Variants in CFAP299 observed in about 807,000 individuals in gnomAD.
CFAP299 encodes the protein cilia- and flagella-associated protein 299.
In CFAP299, 21 loss-of-function variants were observed where a neutral mutation model predicts 27.0. That is an observed-to-expected ratio of 0.78 (90% CI 0.55 to 1.12). The LOEUF (loss-of-function observed/expected upper bound fraction) is 1.12, where lower values mean the gene tolerates loss of function less well. CFAP299 is among the 50% of genes most tolerant of loss of function. The pLI, the probability that CFAP299 is intolerant of heterozygous loss-of-function variation, is 0.00. For missense variants in CFAP299, 310 were observed against 276.6 expected (o/e 1.12, Z -0.86); for synonymous variants, 104 against 98.1 (o/e 1.06, Z -0.36).
intron 2 of CFAP299, among the ~76,000 whole-genome samples, chr4:80,479,415 T>C (rs1490968755): frequency 6.6e-6 from 1 of 152,022 alleles, no homozygotes; most frequent in Non-Finnish European, 1.5e-5. Context: ...AGGATTCCAA[T>C]AGTCAAATAG....
intron 2 of CFAP299, among the ~76,000 whole-genome samples, chr4:80,519,398 A>T (rs35296375): frequency 6.6e-6 from 1 of 151,778 alleles, no homozygotes; most frequent in African/African-American, 2.4e-5. Flanking sequence ...GTATAGACGG[A>T]GTTTCACCAT....
At chr4:80,538,621 T>C (rs986491927) in intron 2 of CFAP299, among the ~76,000 whole-genome samples, 3 of 150,840 alleles carry the variant, frequency 2.0e-5, no homozygotes, top group African/African-American at 7.4e-5. Context: ...TTTAAATACA[T>C]AGATACTTAC....
intron 2 of CFAP299, among the ~76,000 whole-genome samples, chr4:80,467,604 A>G (rs1426187380): frequency 1.3e-5 from 2 of 152,174 alleles, no homozygotes; most frequent in Admixed American, 6.5e-5. Flanking sequence ...CAATATGAAG[A>G]AGAATATTTT....
At chr4:80,340,815 G>T (rs1355582641) in intron 1 of CFAP299, among the ~76,000 whole-genome samples, 1 of 150,394 alleles carries the variant, frequency 6.6e-6, no homozygotes, top group Non-Finnish European at 1.5e-5. Flanking sequence ...CACTCTTTTT[G>T]CCCAGGCTGG....
chr4:80,560,168 G>T (rs1009829125), intron 2 of CFAP299, among the ~76,000 whole-genome samples: 1 of 152,000 alleles, frequency 6.6e-6, no homozygotes, highest in Non-Finnish European at 1.5e-5. Flanking sequence ...GGCCAGAGTT[G>T]TGAGACCCCT....
chr4:80,480,417 T>C (rs1730505135), intron 2 of CFAP299, among the ~76,000 whole-genome samples: 1 of 151,982 alleles, frequency 6.6e-6, no homozygotes, highest in African/African-American at 2.4e-5. Context: ...AAATATTTGT[T>C]TGATTACAGT....
At chr4:80,482,923 G>T (rs757135301) in intron 2 of CFAP299, among the ~76,000 whole-genome samples, 1 of 152,124 alleles carries the variant, frequency 6.6e-6, no homozygotes, top group Admixed American at 6.6e-5. Flanking sequence ...ACTGAGATGT[G>T]GTAGACAGAA....
intron 3 of CFAP299, among the ~76,000 whole-genome samples, chr4:80,686,269 C>G (rs990307230): frequency 2.0e-5 from 3 of 152,142 alleles, no homozygotes; most frequent in Admixed American, 2.0e-4. Context: ...CATTCCCACA[C>G]CAAAGAGATG....
At chr4:80,842,627 G>T (rs889415217) in intron 3 of CFAP299, among the ~76,000 whole-genome samples, 1 of 152,116 alleles carries the variant, frequency 6.6e-6, no homozygotes, top group Non-Finnish European at 1.5e-5. Context: ...AACAATAGCC[G>T]AGGCTTGTGA....
chr4:80,682,849 G>A (rs2110006837), intron 3 of CFAP299, among the ~76,000 whole-genome samples: 1 of 152,068 alleles, frequency 6.6e-6, no homozygotes. Flanking sequence ...TAGCTCTTGA[G>A]ACCTGCCATT....
chr4:80,642,765 A>G (rs1272386478), intron 3 of CFAP299, among the ~76,000 whole-genome samples: 1 of 152,196 alleles, frequency 6.6e-6, no homozygotes, highest in East Asian at 1.9e-4. Context: ...TCCGTCTCAA[A>G]AAGAATAAAA....
chr4:80,599,779 T>G (rs919610095), intron 3 of CFAP299, among the ~76,000 whole-genome samples: 2 of 152,116 alleles, frequency 1.3e-5, no homozygotes, highest in African/African-American at 4.8e-5. Flanking sequence ...CTGAAACTTG[T>G]GCTTAAGTTG....
chr4:80,829,497 G>T (rs1280693161), intron 3 of CFAP299, among the ~76,000 whole-genome samples: 1 of 151,950 alleles, frequency 6.6e-6, no homozygotes, highest in Non-Finnish European at 1.5e-5. Context: ...TAGTATAGAG[G>T]TTGTAGAAAC....
At chr4:80,814,109 T>C (rs991488344) in intron 3 of CFAP299, among the ~76,000 whole-genome samples, 4 of 150,874 alleles carry the variant, frequency 2.7e-5, no homozygotes, top group African/African-American at 7.4e-5. Flanking sequence ...TTTCTTCTTA[T>C]GTCCTCCATC....
At chr4:80,658,263 A>G (rs568663232) in intron 3 of CFAP299, among the ~76,000 whole-genome samples, 4 of 152,154 alleles carry the variant, frequency 2.6e-5, no homozygotes, top group Admixed American at 6.6e-5. Flanking sequence ...AACTCCCAAT[A>G]CTATGTTGAA....
intron 5 of CFAP299, among the ~76,000 whole-genome samples, chr4:80,958,218 G>T (rs114441655): frequency 9.3e-4 from 142 of 152,282 alleles, no homozygotes; most frequent in African/African-American, 3.3e-3. Flanking sequence ...AAGCCAAGGA[G>T]TAGACCAGAT....
chr4:80,706,943 C>T (rs1446378869), intron 3 of CFAP299, among the ~76,000 whole-genome samples: 1 of 151,882 alleles, frequency 6.6e-6, no homozygotes, highest in African/African-American at 2.4e-5. Flanking sequence ...CGCCCCTCTC[C>T]CCACAAAGTG....
chr4:80,805,840 C>T (rs1384362025), intron 3 of CFAP299, among the ~76,000 whole-genome samples: 1 of 152,064 alleles, frequency 6.6e-6, no homozygotes, highest in Admixed American at 6.6e-5. Flanking sequence ...TGCCACTGCA[C>T]TCCAGCCTGG....
intron 2 of CFAP299, among the ~76,000 whole-genome samples, chr4:80,374,681 C>T (rs1231665708): frequency 1.3e-5 from 2 of 152,144 alleles, no homozygotes; most frequent in African/African-American, 4.8e-5. Context: ...CTTTGGAACT[C>T]ATTCACTGTG....
Sources: allele counts gnomAD v4.1 joint callset (sites outside exome capture counted in the v4.1 genomes callset), GRCh38; gene constraint gnomAD v4.1.1; transcripts MANE v1.5; gene names NCBI Gene and HGNC (gene_info 2026-07-23, HGNC 2026-07-21).